NSL1: variants seen among roughly 807,000 people sequenced by gnomAD.
NSL1 encodes kinetochore-associated protein NSL1 homolog.
Under a neutral mutation model 25.4 loss-of-function variants are expected in NSL1, and 11 were observed. The observed-to-expected ratio is 0.43, with a 90% CI of 0.27 to 0.72. NSL1 has a LOEUF of 0.72. Among genes scored for constraint, NSL1 ranks in the 30% least tolerant of loss-of-function variants. The pLI, the probability that NSL1 is intolerant of heterozygous loss-of-function variation, is 0.19. For synonymous variants in NSL1, 118 were observed against 120.6 expected, an observed-to-expected ratio of 0.98 and a Z score of 0.14; for missense variants, 330 against 342.7, an observed-to-expected ratio of 0.96 and a Z score of 0.29.
At chr1:212,753,477 C>G (rs1659160263) in intron 4 of NSL1, among the ~76,000 whole-genome samples, 1 of 152,176 alleles carries the variant, frequency 6.6e-6, no homozygotes, top group Non-Finnish European at 1.5e-5. Context: ...AGTGTTTCCC[C>G]ATCACCTAAA....
At chr1:212,782,519 G>A (rs1414082080) in intron 3 of NSL1, 93 bp from the exon 4 acceptor site, 6 of 927,316 alleles carry the variant, frequency 6.5e-6, no homozygotes, top group Non-Finnish European at 1.0e-5. Context: ...TATAGAGTCA[G>A]TACCATTCTT....
At chr1:212,749,146 ATAT>A (rs1408946954) in intron 4 of NSL1, among the ~76,000 whole-genome samples, 28 of 152,322 alleles carry the variant, frequency 1.8e-4, no homozygotes, top group African/African-American at 6.3e-4. Context: ...GCTGTGCATT[ATAT>A]GTTATACTGC....
chr1:212,739,360 A>G (rs1658389484), intron 5 of NSL1, among the ~76,000 whole-genome samples, 174 bp downstream of exon 5: 1 of 152,224 alleles, frequency 6.6e-6, no homozygotes, highest in African/African-American at 2.4e-5. Flanking sequence ...TAGGTACCTG[A>G]TAAATGGCAG....
At chr1:212,784,526 G>T in intron 2 of NSL1, 33 bp from the exon 3 acceptor site, 1 of 1,394,702 alleles carries the variant, frequency 7.2e-7, no homozygotes. Context: ...TATATAAAAA[G>T]TTCCCTAAAA....
rs1658175310 is a variant in NSL1 at position 212,734,952 on chromosome 1, T to C, written c.*3456A>G. ...TCAAAAGAAGTAATAACAGTGATCA[T>C]AGAGTACTCATATGCACCAGTTATT... On this transcript the variant is annotated 3_prime_UTR_variant, in exon 6 of 6. Coordinates refer to ENST00000366977, the MANE Select transcript of NSL1 (RefSeq NM_015471.4). Among the ~76,000 whole-genome samples the C allele has an allele frequency of 6.6e-6, 1 of 152,244 alleles. No individual in the cohort carries two copies. The highest frequency in any genetic ancestry group is 1.5e-5 in the Non-Finnish European group (1 of 68,040).
At chr1:212,761,082 C>G (rs1339943381) in intron 4 of NSL1, among the ~76,000 whole-genome samples, 1 of 152,208 alleles carries the variant, frequency 6.6e-6, no homozygotes, top group Non-Finnish European at 1.5e-5. Context: ...ATTATAGATA[C>G]AACTACAGGC....
chr1:212,754,154 T>G (rs1027298591), intron 4 of NSL1, among the ~76,000 whole-genome samples: 1 of 152,166 alleles, frequency 6.6e-6, no homozygotes, highest in Non-Finnish European at 1.5e-5. Context: ...TCCTAAGACT[T>G]CCTAGTCAAG....
chr1:212,749,339 G>GTTTTTTTT lies in NSL1; in HGVS notation c.500-9746_500-9739dup, dbSNP rs10717383. ...CTTAAGGGATTTTGCGTTTTATTGT[G>GTTTTTTTT]TTTTTTTTTTTTTTTTTTTTTTTGA... On this transcript the variant is annotated intron_variant, in intron 4 of 5. Coordinates refer to ENST00000366977, the MANE Select transcript of NSL1 (RefSeq NM_015471.4). Among the ~76,000 whole-genome samples the GTTTTTTTT allele has an allele frequency of 4.1e-3, 314 of 76,928 alleles. 3 individuals are homozygous for GTTTTTTTT. The highest frequency in any genetic ancestry group is 6.2e-3 in the Non-Finnish European group (248 of 40,046). 50.5% of individuals were successfully genotyped at this position (76,928 alleles called of 152,430 possible). A position where few individuals can be genotyped will look rare whatever the true frequency, so the allele number is the denominator to read the frequency against.
chr1:212,761,380 TC>T (rs1659555721), intron 4 of NSL1, among the ~76,000 whole-genome samples: 1 of 152,052 alleles, frequency 6.6e-6, no homozygotes, highest in Non-Finnish European at 1.5e-5. Flanking sequence ...CGAAACCTCC[TC>T]TCCACAAAAA....
rs1231810780 is a variant in NSL1 at position 212,737,904 on chromosome 1, C to G, written c.*504G>C. Reference sequence around the variant, plus strand: ...ACAAAGTCAAAGCCAGTATTATCATCAGCACATTAATTTGATAAATCAAAC... The same window carrying G: ...ACAAAGTCAAAGCCAGTATTATCATGAGCACATTAATTTGATAAATCAAAC... On this transcript the variant is annotated 3_prime_UTR_variant, in exon 6 of 6. Transcript: ENST00000366977. 2.0e-6 allele frequency: 2 copies of G among 985,372 alleles called. No homozygotes were observed. Among genetic ancestry groups the G allele is most frequent in the Non-Finnish European group, 2.4e-6 (2 of 830,048 alleles). The allele number at this position is 985,372 out of a possible 1,614,324, so 61.0% of individuals were successfully genotyped here.
rs1035387787 is a variant in NSL1, at chr1:212,729,814, T to C, written c.*8594A>G. ...AACAGCTAGAACATGGAAAAAGCAA[T>C]GTAATCAGCTGGTGCTGCAAAGGGC... On this transcript the variant is annotated 3_prime_UTR_variant, in exon 6 of 6. Transcript: ENST00000366977. 3.0e-6 allele frequency: 3 copies of C among 985,148 alleles called. No homozygotes were observed. The highest frequency in any genetic ancestry group is 4.7e-5 in the South Asian group (1 of 21,272). 61.0% of individuals were successfully genotyped at this position (985,148 alleles called of 1,614,324 possible). A position where few individuals can be genotyped will look rare whatever the true frequency, so the allele number is the denominator to read the frequency against.
At chr1:212,788,134 C>T (rs1366445241) in intron 1 of NSL1, among the ~76,000 whole-genome samples, 2 of 152,184 alleles carry the variant, frequency 1.3e-5, no homozygotes, top group Admixed American at 1.3e-4. Flanking sequence ...CAAACGTAGG[C>T]CAGGTGCAGT....
intron 3 of NSL1, 73 bp downstream of exon 3, chr1:212,784,290 C>T (rs918920901): frequency 4.8e-6 from 5 of 1,033,600 alleles, no homozygotes; most frequent in Admixed American, 2.3e-5. Flanking sequence ...CTTATCTCCA[C>T]GTAGAGCCTT....
intron 3 of NSL1, chr1:212,784,025 GAA>G (rs1660834006): frequency 6.3e-6 from 1 of 157,988 alleles, no homozygotes; most frequent in Non-Finnish European, 1.4e-5. Context: ...ACAACAAACA[GAA>G]AGAAAAGTGT....
intron 4 of NSL1, among the ~76,000 whole-genome samples, chr1:212,781,288 T>A (rs1487254102): frequency 2.0e-5 from 3 of 152,198 alleles, no homozygotes; most frequent in Non-Finnish European, 2.9e-5. Context: ...GTAACCAAGT[T>A]TCTTTAGAGG....
chr1:212,731,230 C>T lies in NSL1; in HGVS notation c.*7178G>A, dbSNP rs955289634. ...AGAAACCAAAACTAGAATTATCAGC[C>T]AAAAACAGAGAATAGTAAGTCTTAT... On this transcript the variant is annotated 3_prime_UTR_variant, in exon 6 of 6. Transcript: ENST00000366977. 1 of 984,070 alleles carries T rather than the reference C, an allele frequency of 1.0e-6. No homozygotes were observed. The highest frequency in any genetic ancestry group is 1.1e-4 in the East Asian group (1 of 8,780). The allele number at this position is 984,070 out of a possible 1,614,324, so 61.0% of individuals were successfully genotyped here.
At chr1:212,784,911 A>G (rs1046199773) in intron 2 of NSL1, among the ~76,000 whole-genome samples, 99 of 152,354 alleles carry the variant, frequency 6.5e-4, no homozygotes, top group African/African-American at 2.2e-3. Context: ...AAATAGAAGT[A>G]TAAGTCCAAT....
chr1:212,766,645 T>TAAAAAAAAAA (rs1235557027), intron 4 of NSL1, among the ~76,000 whole-genome samples: 1 of 122,480 alleles, frequency 8.2e-6, no homozygotes. Context: ...GACTCCATCT[T>TAAAAAAAAAA]AAAAAAAAAA....
intron 4 of NSL1, among the ~76,000 whole-genome samples, chr1:212,756,487 T>C (rs1186805967): frequency 6.6e-6 from 1 of 152,096 alleles, no homozygotes; most frequent in Non-Finnish European, 1.5e-5. Flanking sequence ...TTTGCAAAAA[T>C]ATAAATATTT....
Sources: gnomAD v4.1 joint callset for allele counts (sites outside exome capture counted in the v4.1 genomes callset) on GRCh38, gnomAD v4.1.1 for gene constraint, MANE v1.5 for transcripts, NCBI Gene and HGNC (gene_info 2026-07-23, HGNC 2026-07-21) for gene names.